GABRB1: variants seen among roughly 807,000 people sequenced by gnomAD.
GABRB1 encodes gamma-aminobutyric acid receptor subunit beta-1.
GABRB1 carries 17 observed loss-of-function variants against 51.6 expected under a neutral mutation model. The ratio of observed to expected loss-of-function variants is 0.33; its 90% confidence interval spans 0.23 to 0.49. The LOEUF (loss-of-function observed/expected upper bound fraction) is 0.49, where lower values mean the gene tolerates loss of function less well. GABRB1 is among the 20% of genes least tolerant of loss of function. The pLI is 0.99. For missense variants in GABRB1, 410 were observed against 600.6 expected (o/e 0.68, Z 3.32); for synonymous variants, 247 against 218.9 (o/e 1.13, Z -1.14).
intron 3 of GABRB1, among the ~76,000 whole-genome samples, chr4:47,157,207 A>G (rs1025821695): frequency 1.3e-5 from 2 of 152,240 alleles, no homozygotes; most frequent in African/African-American, 4.8e-5. Flanking sequence ...AATAGCTTGC[A>G]CACTTGAGAA....
At chr4:47,027,846 A>G (rs953426842), upstream of GABRB1, among the ~76,000 whole-genome samples, 1 of 151,680 alleles carries the variant, frequency 6.6e-6, no homozygotes, top group African/African-American at 2.4e-5. Context: ...ATAAAATTAT[A>G]TCATATTAGG....
At chr4:47,320,822 T>A (rs1036488996) in intron 5 of GABRB1, among the ~76,000 whole-genome samples, 4 of 145,198 alleles carry the variant, frequency 2.8e-5, no homozygotes, top group African/African-American at 5.1e-5. Context: ...CAGGCTGGAG[T>A]GTAGTGGCGC....
chr4:47,420,672 A>C (rs559740067), intron 8 of GABRB1, among the ~76,000 whole-genome samples: 3 of 152,272 alleles, frequency 2.0e-5, no homozygotes, highest in African/African-American at 7.2e-5. Context: ...GATATGAAAA[A>C]ATAATAGCCC....
intron 3 of GABRB1, among the ~76,000 whole-genome samples, chr4:47,091,366 G>A (rs1373118919): frequency 1.3e-5 from 2 of 151,732 alleles, no homozygotes; most frequent in Non-Finnish European, 2.9e-5. Flanking sequence ...TTTCCAAAAT[G>A]AAAAAACAAA....
intron 3 of GABRB1, among the ~76,000 whole-genome samples, chr4:47,159,406 A>T (rs983151172): frequency 2.0e-5 from 3 of 152,114 alleles, no homozygotes; most frequent in African/African-American, 7.2e-5. Context: ...TAAACCCATA[A>T]TCTGCCCAAT....
intron 4 of GABRB1, among the ~76,000 whole-genome samples, chr4:47,235,073 C>T (rs1487090476): frequency 6.6e-6 from 1 of 152,176 alleles, no homozygotes; most frequent in Non-Finnish European, 1.5e-5. Flanking sequence ...TATACCCTTC[C>T]TTATTTCTCC....
chr4:47,077,220 C>T (rs1186794593), intron 3 of GABRB1, among the ~76,000 whole-genome samples: 1 of 152,102 alleles, frequency 6.6e-6, no homozygotes, highest in African/African-American at 2.4e-5. Flanking sequence ...TGGGTATTAC[C>T]AGATCTGATT....
intron 3 of GABRB1, among the ~76,000 whole-genome samples, chr4:47,040,605 A>T (rs1263127284): frequency 1.3e-5 from 2 of 152,104 alleles, no homozygotes; most frequent in African/African-American, 2.4e-5. Context: ...AGGAAAAAAA[A>T]TTAGAGTATA....
intron 3 of GABRB1, among the ~76,000 whole-genome samples, chr4:47,037,550 G>GTTTTTTTTTT (rs1266111690): frequency 4.6e-5 from 1 of 21,752 alleles, no homozygotes; most frequent in African/African-American, 6.2e-5. Flanking sequence ...TGTTGTTGTT[G>GTTTTTTTTTT]TTTTTTGTTT....
At chr4:47,151,913 A>G (rs1387913734) in intron 3 of GABRB1, among the ~76,000 whole-genome samples, 1 of 152,054 alleles carries the variant, frequency 6.6e-6, no homozygotes, top group Non-Finnish European at 1.5e-5. Context: ...TATCAAACTG[A>G]TGACAGTAAT....
chr4:47,117,995 C>T (rs935577325), intron 3 of GABRB1, among the ~76,000 whole-genome samples: 14 of 152,150 alleles, frequency 9.2e-5, no homozygotes, highest in South Asian at 2.1e-4. Context: ...GACTTGTCCA[C>T]TTCTGTATAT....
chr4:47,331,657 C>T (rs537197458), intron 5 of GABRB1, among the ~76,000 whole-genome samples: 6 of 152,182 alleles, frequency 3.9e-5, no homozygotes, highest in African/African-American at 1.4e-4. Flanking sequence ...CTTAAAGACA[C>T]ATTTTATACA....
At chr4:47,122,388 C>T (rs1715816780) in intron 3 of GABRB1, among the ~76,000 whole-genome samples, 1 of 151,950 alleles carries the variant, frequency 6.6e-6, no homozygotes, top group South Asian at 2.1e-4. Flanking sequence ...CAGTTAAGGT[C>T]CAATAAGAAG....
intron 1 of GABRB1, among the ~76,000 whole-genome samples, chr4:47,011,626 A>G (rs1486087123): frequency 1.3e-5 from 2 of 152,194 alleles, no homozygotes; most frequent in Non-Finnish European, 2.9e-5. Flanking sequence ...GGTGGGGTAC[A>G]TGAGTTTGAT....
intron 4 of GABRB1, among the ~76,000 whole-genome samples, chr4:47,214,968 G>C (rs1720498095): frequency 6.6e-6 from 1 of 152,172 alleles, no homozygotes; most frequent in African/African-American, 2.4e-5. Flanking sequence ...TTTGGTCCCT[G>C]ATGGTTCAAC....
chr4:47,272,383 CTG>C (rs1722906070), intron 4 of GABRB1, among the ~76,000 whole-genome samples: 1 of 152,036 alleles, frequency 6.6e-6, no homozygotes, highest in African/African-American at 2.4e-5. Flanking sequence ...ATTCTTAGTA[CTG>C]TGTTATTCAT....
intron 4 of GABRB1, among the ~76,000 whole-genome samples, chr4:47,194,815 T>C (rs1296555282): frequency 6.6e-6 from 1 of 152,146 alleles, no homozygotes; most frequent in Non-Finnish European, 1.5e-5. Flanking sequence ...GTACTTAGCG[T>C]CTAAAGGATA....
intron 5 of GABRB1, among the ~76,000 whole-genome samples, chr4:47,353,120 T>G (rs540400203): frequency 6.6e-6 from 1 of 152,314 alleles, no homozygotes; most frequent in Non-Finnish European, 1.5e-5. Flanking sequence ...CTCATGAGAC[T>G]TATTCACTAC....
intron 4 of GABRB1, among the ~76,000 whole-genome samples, chr4:47,169,452 A>T (rs1474169019): frequency 6.6e-6 from 1 of 150,764 alleles, no homozygotes; most frequent in African/African-American, 2.4e-5. Context: ...TATGCCAACC[A>T]CTCTGTACCT....
Sources: allele counts gnomAD v4.1 joint callset (sites outside exome capture counted in the v4.1 genomes callset), GRCh38; gene constraint gnomAD v4.1.1; transcripts MANE v1.5; gene names NCBI Gene and HGNC (gene_info 2026-07-23, HGNC 2026-07-21).